Variants in CGGBP1 observed in about 807,000 individuals in gnomAD.
The protein encoded by CGGBP1 is CGG triplet repeat binding protein 1, also known as CGG triplet repeat-binding protein 1.
In CGGBP1, 4 loss-of-function variants were observed where a neutral mutation model predicts 11.4. That is an observed-to-expected ratio of 0.35 (90% CI 0.17 to 0.80). The LOEUF (loss-of-function observed/expected upper bound fraction) is 0.80. Among genes scored for constraint, CGGBP1 ranks in the 30% least tolerant of loss-of-function variants. CGGBP1 has a pLI of 0.52. For synonymous variants in CGGBP1, 76 were observed against 74.1 expected (o/e 1.03, Z -0.13); for missense variants, 135 against 202.1 (o/e 0.67, Z 2.01).
intron 2 of CGGBP1, among the ~76,000 whole-genome samples, chr3:88,078,884 G>A (rs1275666962): frequency 2.6e-5 from 4 of 151,960 alleles, no homozygotes; most frequent in African/African-American, 9.7e-5. Context: ...AACTGAACTT[G>A]GTTCTATTAT....
intron 2 of CGGBP1, among the ~76,000 whole-genome samples, chr3:88,115,052 T>A (rs953058929): frequency 6.6e-6 from 1 of 152,352 alleles, no homozygotes; most frequent in Admixed American, 6.5e-5. Flanking sequence ...AAGATGGTGT[T>A]CTTTCTCGTC....
chr3:88,085,928 C>G (rs1179933337), intron 2 of CGGBP1, among the ~76,000 whole-genome samples: 1 of 152,070 alleles, frequency 6.6e-6, no homozygotes, highest in Non-Finnish European at 1.5e-5. Context: ...ATTCTACTCT[C>G]CAGCTATTTT....
chr3:88,093,121 T>C (rs1219780816), intron 2 of CGGBP1, among the ~76,000 whole-genome samples: 2 of 152,202 alleles, frequency 1.3e-5, no homozygotes, highest in African/African-American at 4.8e-5. Flanking sequence ...ATTCATTCTT[T>C]GTAGATAAGA....
At chr3:88,142,815 G>GTT (rs1197977457) in intron 1 of CGGBP1, 1 of 152,060 alleles carries the variant, frequency 6.6e-6, no homozygotes, top group Non-Finnish European at 1.5e-5. Flanking sequence ...CAAGAACACA[G>GTT]TAAGAGATAC....
intron 2 of CGGBP1, among the ~76,000 whole-genome samples, chr3:88,136,735 G>A (rs1251957503): frequency 6.6e-6 from 1 of 152,146 alleles, no homozygotes; most frequent in Admixed American, 6.5e-5. Context: ...TACTTAAAGG[G>A]ATTTGAATGC....
At chr3:88,116,612 TTG>T (rs761236273) in intron 2 of CGGBP1, among the ~76,000 whole-genome samples, 1,579 of 149,846 alleles carry the variant, frequency 0.011, 30 homozygotes, top group African/African-American at 0.036. Context: ...TGTATATATG[TTG>T]TGTGTGTGTG....
intron 2 of CGGBP1, among the ~76,000 whole-genome samples, chr3:88,087,145 C>G (rs1168580125): frequency 6.6e-6 from 1 of 151,988 alleles, no homozygotes; most frequent in African/African-American, 2.4e-5. Flanking sequence ...GTGGTGTGAT[C>G]TTGGTTCACC....
chr3:88,067,711 T>G (rs1707278681), intron 2 of CGGBP1, among the ~76,000 whole-genome samples: 1 of 152,154 alleles, frequency 6.6e-6, no homozygotes, highest in Non-Finnish European at 1.5e-5. Context: ...GAGTCTTGGG[T>G]GACTCTAAAC....
At chr3:88,134,183 C>T (rs1706630269) in intron 2 of CGGBP1, among the ~76,000 whole-genome samples, 1 of 151,574 alleles carries the variant, frequency 6.6e-6, no homozygotes, top group African/African-American at 2.4e-5. Context: ...TTTGGTTTTA[C>T]TACTCATATG....
At chr3:88,110,789 T>G (rs182518311) in intron 2 of CGGBP1, among the ~76,000 whole-genome samples, 89 of 152,278 alleles carry the variant, frequency 5.8e-4, no homozygotes, top group Non-Finnish European at 7.9e-4. Context: ...ATTCTACGTG[T>G]ATTTCAGATT....
intron 2 of CGGBP1, among the ~76,000 whole-genome samples, chr3:88,093,851 GT>G (rs1414348605): frequency 6.6e-6 from 1 of 152,122 alleles, no homozygotes; most frequent in African/African-American, 2.4e-5. Flanking sequence ...AGGTACATTT[GT>G]TTTTTGCGGG....
chr3:88,093,550 AAG>A (rs1014188033), intron 2 of CGGBP1, among the ~76,000 whole-genome samples: 1 of 152,178 alleles, frequency 6.6e-6, no homozygotes, highest in African/African-American at 2.4e-5. Flanking sequence ...CAAGCTGTCT[AAG>A]AGAAAAGACC....
At chr3:88,094,432 G>T (rs1703935489) in intron 2 of CGGBP1, among the ~76,000 whole-genome samples, 1 of 152,056 alleles carries the variant, frequency 6.6e-6, no homozygotes, top group Non-Finnish European at 1.5e-5. Context: ...ATTTCTGTTG[G>T]TAGGGATGGA....
intron 2 of CGGBP1, chr3:88,139,937 A>G (rs1308329178): frequency 1.2e-6 from 2 of 1,613,622 alleles, no homozygotes; most frequent in Non-Finnish European, 1.7e-6. Context: ...GTGTCCGGAT[A>G]TTTAAAAGAA....
upstream of CGGBP1, chr3:88,059,159 G>A: frequency 2.2e-6 from 3 of 1,353,222 alleles, no homozygotes; most frequent in Non-Finnish European, 2.9e-6. Context: ...AACTGGGGGC[G>A]TGGGTGGGCG....
intron 2 of CGGBP1, among the ~76,000 whole-genome samples, chr3:88,114,018 G>A (rs559080033): frequency 1.2e-4 from 19 of 152,128 alleles, no homozygotes; most frequent in African/African-American, 2.2e-4. Context: ...TCCATTCTCC[G>A]TAATCCATTC....
chr3:88,141,757 A>T (rs972114567), intron 1 of CGGBP1: 1 of 896,156 alleles, frequency 1.1e-6, no homozygotes, highest in African/African-American at 1.7e-5. Context: ...TTAATTTTAG[A>T]GTGGTCTTGG....
intron 2 of CGGBP1, among the ~76,000 whole-genome samples, chr3:88,107,861 T>TA (rs1490063778): frequency 6.6e-6 from 1 of 152,174 alleles, no homozygotes. Flanking sequence ...CATCATTTCT[T>TA]AAACTATATA....
At chr3:88,120,332 A>G (rs1425579862) in intron 2 of CGGBP1, among the ~76,000 whole-genome samples, 5 of 152,202 alleles carry the variant, frequency 3.3e-5, no homozygotes. Flanking sequence ...GTATATGGCA[A>G]AAGAACAGGT....
Sources: gnomAD v4.1 joint callset for allele counts (sites outside exome capture counted in the v4.1 genomes callset) on GRCh38, gnomAD v4.1.1 for gene constraint, MANE v1.5 for transcripts, NCBI Gene and HGNC (gene_info 2026-07-23, HGNC 2026-07-21) for gene names.